The following NRDC variants were observed in gnomAD, a reference collection of about 807,000 sequenced individuals.
NRDC encodes the protein nardilysin convertase, also known as nardilysin.
In NRDC, 54 loss-of-function variants were observed where a neutral mutation model predicts 147.1. That is an observed-to-expected ratio of 0.37 (90% CI 0.29 to 0.46). NRDC has a LOEUF of 0.46. NRDC is among the 20% of genes least tolerant of loss of function. NRDC has a pLI of 1.00. For synonymous variants in NRDC, 440 were observed against 482.1 expected, an observed-to-expected ratio of 0.91 and a Z score of 1.14; for missense variants, 1,082 against 1,370.6, an observed-to-expected ratio of 0.79 and a Z score of 3.33.
intron 1 of NRDC, among the ~76,000 whole-genome samples, chr1:51,867,176 G>T (rs1682851057): frequency 6.6e-6 from 1 of 151,206 alleles, no homozygotes; most frequent in African/African-American, 2.4e-5. Context: ...CAAAAAGCAA[G>T]AAATAAAGTA....
chr1:51,793,818 AAG>A (rs1678762551), intron 24 of NRDC: 1 of 152,246 alleles, frequency 6.6e-6, no homozygotes, highest in African/African-American at 2.4e-5. Context: ...AGGTTTAAGG[AAG>A]ATCCCCGTGG....
chr1:51,814,719 C>T lies in NRDC; in HGVS notation c.1534G>A (p.Asp512Asn). Residue 512 changes from aspartate to asparagine, a missense_variant, in exon 12 of 31, where the codon GAT becomes AAT. Transcript: ENST00000352171. Reference sequence around the variant, plus strand: ...TCATAAAAATGTTCATAACCCTCATCAGTCAATGTAATAGAAATGCTGAAC... The same window carrying T: ...TCATAAAAATGTTCATAACCCTCATTAGTCAATGTAATAGAAATGCTGAAC... ...SVFSISITLT[D>N]EGYEHFYEVA... is the part of the protein sequence containing the mutation. 6.2e-7 allele frequency: 1 copy of T among 1,610,064 alleles called. No homozygotes were observed. The highest frequency in any genetic ancestry group is 8.5e-7 in the Non-Finnish European group (1 of 1,178,672).
intron 1 of NRDC, among the ~76,000 whole-genome samples, chr1:51,864,408 G>C (rs1682701379): frequency 6.6e-6 from 1 of 152,040 alleles, no homozygotes; most frequent in South Asian, 2.1e-4. Context: ...TAGTAGAACT[G>C]TATTACCAAA....
chr1:51,855,178 G>A (rs893291038), intron 1 of NRDC, among the ~76,000 whole-genome samples: 3 of 152,108 alleles, frequency 2.0e-5, no homozygotes, highest in Non-Finnish European at 2.9e-5. Context: ...GATTTTGTCT[G>A]TAACTTCTGC....
intron 22 of NRDC, chr1:51,795,763 T>C (rs2149187431): frequency 6.5e-6 from 1 of 152,684 alleles, no homozygotes; most frequent in Non-Finnish European, 1.5e-5. Context: ...CTCTTACTAC[T>C]GTTCCTGTTC....
intron 1 of NRDC, among the ~76,000 whole-genome samples, chr1:51,843,783 A>G (rs368214424): frequency 1.3e-5 from 2 of 152,138 alleles, no homozygotes; most frequent in African/African-American, 4.8e-5. Flanking sequence ...ATAAATTCTA[A>G]GATGAATCTC....
chr1:51,849,081 A>G (rs1277748977), intron 1 of NRDC, among the ~76,000 whole-genome samples: 2 of 152,156 alleles, frequency 1.3e-5, no homozygotes, highest in Non-Finnish European at 2.9e-5. Context: ...ATTCAAGGCA[A>G]TTCCCATAAA....
In NRDC at chr1:51,803,975, C is replaced by T; in HGVS notation, c.2163-11G>A. The T allele has an allele frequency of 1.3e-6, 2 of 1,557,488 alleles. No homozygotes were observed. The highest frequency in any genetic ancestry group is 1.2e-5 in the South Asian group (1 of 82,496). ...TCAAAGAGGACCACACTAAGAAGTA[C>T]AAAATGCAAATGGCATCTTTAATTG... is the stretch of plus-strand genomic sequence containing the variant. On this transcript the variant is annotated splice_polypyrimidine_tract_variant and intron_variant, in intron 19 of 30. Coordinates refer to ENST00000352171, the MANE Select transcript of NRDC (RefSeq NM_001101662.2).
chr1:51,792,147 A>C, intron 25 of NRDC, 49 bp from the exon 26 acceptor site: 1 of 1,608,998 alleles, frequency 6.2e-7, no homozygotes, highest in East Asian at 2.2e-5. Context: ...CAGCAGAGAA[A>C]CCTCCATTTC....
chr1:51,834,131 C>T lies in NRDC; in HGVS notation c.752G>A (p.Gly251Glu), dbSNP rs1288264606. 1 of 1,614,008 alleles carries T rather than the reference C, an allele frequency of 6.2e-7. No individual in the cohort carries two copies. The highest frequency in any genetic ancestry group is 2.2e-5 in the East Asian group (1 of 44,868). Residue 251 changes from glycine (G) to glutamate (E), a missense_variant, in exon 4 of 31, where the codon GGA becomes GAA. By Grantham distance (98) the Gly-to-Glu change is moderately conservative (BLOSUM62 -2). Around this residue, in one of 3 missense-constraint regions of NRDC, gnomAD observed 635 missense variants for 923.8 expected, o/e 0.69. Coordinates refer to ENST00000352171, the MANE Select transcript of NRDC (RefSeq NM_001101662.2). ...ATGCTTCTTCAGGAAGGCATCAAATCCATTCTCATCTGGATATTTCAAACT... is the reference window on the plus strand; with the variant it reads ...ATGCTTCTTCAGGAAGGCATCAAATTCATTCTCATCTGGATATTTCAAACT... ...MGSLKYPDEN[G>E]FDAFLKKHGG...
intron 2 of NRDC, among the ~76,000 whole-genome samples, chr1:51,838,804 G>A (rs1380899543): frequency 6.6e-6 from 1 of 152,004 alleles, no homozygotes; most frequent in Admixed American, 6.6e-5. Flanking sequence ...TAAGTTAAAA[G>A]TGAATCTATT....
In NRDC at chr1:51,878,441, T is replaced by C. The variant is rs116633218; in HGVS notation, c.175A>G (p.Thr59Ala). ...GGCTGCAGGTCAGGGCAGCTGCAGG[T>C]AGACTTCGCCTTGTTCCTTCCAGGC... ...AMPGRNKAKS[T>A]CSCPDLQPNG... is the part of the protein sequence containing the mutation. The change falls in exon 1 of 31, where the codon ACC becomes GCC. Residue 59 changes from threonine to alanine, a missense_variant. Thr to Ala is a moderately conservative substitution (Grantham distance 58). Transcript: ENST00000352171. 342 of 1,614,072 alleles carry C rather than the reference T, an allele frequency of 2.1e-4. 1 individual carries two copies. In the African/African-American group the frequency reaches 4.2e-3, roughly 20 times the overall value.
At chr1:51,794,664 G>C in intron 23 of NRDC, 54 bp from the exon 24 acceptor site, 1 of 1,603,766 alleles carries the variant, frequency 6.2e-7, no homozygotes, top group Non-Finnish European at 8.5e-7. Flanking sequence ...TAAGAAGCTA[G>C]GCCTTCTAAC....
Position 51,792,056 on chromosome 1 carries a change from G to A in NRDC, c.2866C>T (p.Gln956Ter). ...EPCFDFLRTK[Q>*]TLGYHVYPTC... ...TGCCAGCTGACTTACCCAAGGGTCT[G>A]CTTGGTTCGAAGGAAGTCAAAACAA... The change falls in exon 26 of 31, where the codon CAG becomes TAG. Residue 956 changes from glutamine (Q) to a stop codon, truncating the protein, a stop_gained. Transcript: ENST00000352171. LOFTEE classifies it high-confidence loss of function. 1 of 1,614,084 alleles carries A rather than the reference G, an allele frequency of 6.2e-7. No individual in the cohort carries two copies. Among genetic ancestry groups the A allele is most frequent in the Non-Finnish European group, 8.5e-7 (1 of 1,180,010 alleles).
chr1:51,872,159 C>A lies in NRDC; in HGVS notation c.341+6116G>T, dbSNP rs773329244. On this transcript the variant is annotated intron_variant, in intron 1 of 30. Coordinates refer to ENST00000352171, the MANE Select transcript of NRDC (RefSeq NM_001101662.2). ...GTGCTGGGATTACAGGCGTGAGCCA[C>A]GGCGCCCAGTCAGAAAAACAGAGAG... Among the ~76,000 whole-genome samples the A allele has an allele frequency of 3.3e-5, 5 of 152,208 alleles. No homozygotes were observed. The East Asian group carries it at 7.7e-4, about 23-fold the overall frequency.
At chr1:51,834,224 A>G in intron 3 of NRDC, 54 bp from the exon 4 acceptor site, 1 of 1,572,964 alleles carries the variant, frequency 6.4e-7, no homozygotes, top group Non-Finnish European at 8.7e-7. Flanking sequence ...AAATATTTTT[A>G]TCACACATGA....
chr1:51,837,796 G>A (rs1264188038), intron 2 of NRDC, among the ~76,000 whole-genome samples: 1 of 152,126 alleles, frequency 6.6e-6, no homozygotes, highest in Non-Finnish European at 1.5e-5. Context: ...AACTTCTTTT[G>A]GGAGGAGGAA....
intron 21 of NRDC, among the ~76,000 whole-genome samples, chr1:51,799,781 A>C (rs1679102419): frequency 6.6e-6 from 1 of 152,216 alleles, no homozygotes; most frequent in African/African-American, 2.4e-5. Flanking sequence ...ATGAAGGCCC[A>C]AGGGGGTTGC....
chr1:51,827,720 AAAG>A (rs1264196464), intron 5 of NRDC, 73 bp downstream of exon 5: 134 of 1,110,472 alleles, frequency 1.2e-4, no homozygotes, highest in Middle Eastern at 7.8e-4. Context: ...GTCTAGAGAT[AAAG>A]AAGGATAAAT....
Sources: gnomAD v4.1 joint callset for allele counts (sites outside exome capture counted in the v4.1 genomes callset) on GRCh38, gnomAD v4.1.1 for gene constraint, gnomAD v4.1.1 regional missense constraint, MANE v1.5 for transcripts, NCBI Gene and HGNC (gene_info 2026-07-23, HGNC 2026-07-21) for gene names.